Variants in DEPDC5 observed in about 807,000 individuals in gnomAD.
DEPDC5 encodes DEP domain containing 5, GATOR1 subcomplex subunit, also known as GATOR1 complex protein DEPDC5.
A neutral mutation model predicts 217.3 loss-of-function variants in DEPDC5; 73 were observed. The observed-to-expected ratio is 0.34, with a 90% CI of 0.28 to 0.41. The LOEUF is 0.41. DEPDC5 is among the 10% of genes least tolerant of loss of function. The probability of loss-of-function intolerance (pLI) is 1.00; values close to 1 mark genes in which losing one functional copy is unlikely to be tolerated. For synonymous variants in DEPDC5, 733 were observed against 756.7 expected, an observed-to-expected ratio of 0.97 and a Z score of 0.51; for missense variants, 1,675 against 2,070.1, an observed-to-expected ratio of 0.81 and a Z score of 3.70.
intron 29 of DEPDC5, 161 bp from the exon 30 acceptor site, chr22:31,844,857 A>T: frequency 1.3e-6 from 1 of 776,834 alleles, no homozygotes; most frequent in Non-Finnish European, 2.1e-6. Flanking sequence ...GCCCATTCTC[A>T]GAACTTGTAT....
chr22:31,886,653 G>A (rs754598741), intron 38 of DEPDC5, among the ~76,000 whole-genome samples: 5 of 150,262 alleles, frequency 3.3e-5, no homozygotes, highest in African/African-American at 1.2e-4. Context: ...CCAGCTACTC[G>A]TGAGGCTGAG....
intron 24 of DEPDC5, chr22:31,831,077 A>C (rs886640783): frequency 1.1e-4 from 16 of 151,708 alleles, no homozygotes; most frequent in African/African-American, 3.9e-4. Flanking sequence ...ATTTAGCTCC[A>C]AGTGGCTTTT....
intron 27 of DEPDC5, among the ~76,000 whole-genome samples, chr22:31,840,453 T>C (rs1255958468): frequency 6.6e-6 from 1 of 152,236 alleles, no homozygotes; most frequent in East Asian, 1.9e-4. Context: ...CAAGCCTGTC[T>C]GAAGGATTTT....
chr22:31,754,808 G>A, intron 1 of DEPDC5, 54 bp from the exon 2 acceptor site: 1 of 1,207,896 alleles, frequency 8.3e-7, no homozygotes, highest in Non-Finnish European at 1.2e-6. Flanking sequence ...ATCAAAGAGT[G>A]GTTGCAAGGA....
At chr22:31,874,641 CAG>C (rs2092941383) in intron 36 of DEPDC5, among the ~76,000 whole-genome samples, 1 of 152,140 alleles carries the variant, frequency 6.6e-6, no homozygotes. Context: ...ATGTTTTGGA[CAG>C]AATCTGTGCA....
chr22:31,906,464 T>A lies in DEPDC5; in HGVS notation c.4779T>A (p.Ser1593Arg), dbSNP rs750919199. 33 of 1,613,798 alleles carry A rather than the reference T, an allele frequency of 2.0e-5. No homozygotes were observed. In the South Asian group the frequency reaches 3.3e-4, roughly 16 times the overall value. Residue 1593 changes from serine (S) to arginine (R), a missense_variant, in exon 43 of 43, where the codon AGT becomes AGA. By Grantham distance (110) the Ser-to-Arg change is moderately radical (BLOSUM62 -1). Transcript: ENST00000651528. This position sits in a 1 kb window ranked among gnomAD's most constrained non-coding sequence, Gnocchi z 5.1. Reference sequence around the variant, plus strand: ...ACCGGCTGGTCACGTTCTGGACAAGTTGCCTGGAGAAGATGCATGCCAGTG... The same window carrying A: ...ACCGGCTGGTCACGTTCTGGACAAGATGCCTGGAGAAGATGCATGCCAGTG... ...RDNRLVTFWT[S>R]CLEKMHASAP is the part of the protein sequence containing the mutation.
intron 18 of DEPDC5, among the ~76,000 whole-genome samples, chr22:31,806,760 C>A (rs915353542): frequency 2.0e-5 from 3 of 152,128 alleles, no homozygotes; most frequent in African/African-American, 4.8e-5. Context: ...AACCCCAGTG[C>A]TTTGGGTGGC....
At chr22:31,859,370 C>T (rs552404523) in intron 32 of DEPDC5, among the ~76,000 whole-genome samples, 3 of 149,230 alleles carry the variant, frequency 2.0e-5, no homozygotes, top group African/African-American at 4.9e-5. Context: ...GGATTACAGG[C>T]GTGAGCCACT....
intron 2 of DEPDC5, chr22:31,755,266 C>T (rs1311300260): frequency 4.6e-6 from 2 of 437,204 alleles, no homozygotes; most frequent in East Asian, 8.0e-5. Flanking sequence ...CATAAAATTC[C>T]AGCCTGCACT....
rs572042185 is a variant in DEPDC5 at position 31,895,942 on chromosome 22, C to T, written c.4204-1540C>T. ...CCCCAGCTCACTGATACCAGCATGA[C>T]CACTTCTTTCAGGTAAAACTAACTC... On this transcript the variant is annotated intron_variant, in intron 39 of 42. Coordinates refer to ENST00000651528, the MANE Select transcript of DEPDC5 (RefSeq NM_001242896.3). Among the ~76,000 whole-genome samples the T allele has an allele frequency of 5.9e-5, 9 of 151,888 alleles. No individual in the cohort carries two copies. In the South Asian group the frequency reaches 1.7e-3, roughly 28 times the overall value.
chr22:31,795,975 C>T (rs1228868071), intron 12 of DEPDC5, among the ~76,000 whole-genome samples: 1 of 152,168 alleles, frequency 6.6e-6, no homozygotes, highest in African/African-American at 2.4e-5. Context: ...GGTGATCCCC[C>T]CACCTTGGCC....
intron 25 of DEPDC5, 167 bp from the exon 26 acceptor site, chr22:31,836,805 C>G: frequency 3.1e-5 from 19 of 615,292 alleles, no homozygotes; most frequent in East Asian, 5.6e-5. Flanking sequence ...CTCTGTTTCT[C>G]TCTCTTTCTC....
intron 40 of DEPDC5, among the ~76,000 whole-genome samples, chr22:31,899,242 AAATC>A (rs2093606472): frequency 6.6e-6 from 1 of 152,180 alleles, no homozygotes; most frequent in Non-Finnish European, 1.5e-5. Flanking sequence ...TTGAATCTAA[AAATC>A]AATTTTCTTG....
At position 31,804,132 on chromosome 22, in the gene DEPDC5, C is replaced by A. The variant is rs376110763; in HGVS notation, c.1082-30C>A. 3 of 1,611,940 alleles carry A rather than the reference C, an allele frequency of 1.9e-6. No homozygotes were observed. In the African/African-American group the frequency reaches 4.0e-5, roughly 21 times the overall value. ...ACACTTGTCTCTGCCATTCCCTCCC[C>A]ACAATTCTTTTTGTCTTTTCTTTTT... On this transcript the variant is annotated intron_variant, in intron 15 of 42. Transcript: ENST00000651528.
intron 21 of DEPDC5, chr22:31,815,857 A>G: frequency 8.9e-7 from 1 of 1,120,036 alleles, no homozygotes; most frequent in Non-Finnish European, 1.1e-6. Flanking sequence ...TTTTTTGTTT[A>G]GCCTTTCTTC....
At chr22:31,842,061 T>C (rs1191534059) in intron 27 of DEPDC5, among the ~76,000 whole-genome samples, 1 of 152,254 alleles carries the variant, frequency 6.6e-6, no homozygotes, top group African/African-American at 2.4e-5. Flanking sequence ...TGGCACTTTA[T>C]CAGGTGCTTC....
intron 10 of DEPDC5, among the ~76,000 whole-genome samples, chr22:31,790,861 C>T (rs1358821138): frequency 6.6e-6 from 1 of 151,622 alleles, no homozygotes; most frequent in Non-Finnish European, 1.5e-5. Flanking sequence ...ATTATCCTAC[C>T]TCAGCCTCCT....
chr22:31,906,552 G>A lies in DEPDC5; in HGVS notation c.*55G>A, dbSNP rs140870386. ...TGGGTGAGCCACTGCCCTCAAACCC[G>A]GGGCGGAGGATTCCAGGCAGGCTCT... On this transcript the variant is annotated 3_prime_UTR_variant, in exon 43 of 43. Transcript: ENST00000651528. The surrounding 1 kb of genome is among the most constrained non-coding windows in gnomAD (Gnocchi z 5.1). 2.6e-4 allele frequency: 418 copies of A among 1,589,376 alleles called. 3 individuals are homozygous for A. In the East Asian group the frequency reaches 9.1e-3, roughly 35 times the overall value.
At chr22:31,842,575 CA>C (rs56671305) in intron 27 of DEPDC5, among the ~76,000 whole-genome samples, 2,204 of 73,472 alleles carry the variant, frequency 0.03, 39 homozygotes, top group African/African-American at 0.098. Flanking sequence ...AACTCCATCT[CA>C]AAAAAAAAAA....
Sources: allele counts gnomAD v4.1 joint callset (sites outside exome capture counted in the v4.1 genomes callset), GRCh38; gene constraint gnomAD v4.1.1; non-coding constraint Gnocchi (gnomAD v3.1); transcripts MANE v1.5; gene names NCBI Gene and HGNC (gene_info 2026-07-23, HGNC 2026-07-21).